MACROD2: variants seen among roughly 807,000 people sequenced by gnomAD.
MACROD2 encodes the protein ADP-ribose glycohydrolase MACROD2.
A neutral mutation model predicts 70.4 loss-of-function variants in MACROD2; 36 were observed. That is an observed-to-expected ratio of 0.51 (90% CI 0.39 to 0.68). The LOEUF is 0.68. MACROD2 is among the 30% of genes least tolerant of loss of function. The probability of loss-of-function intolerance (pLI) is 0.00; values close to 1 mark genes in which losing one functional copy is unlikely to be tolerated. For missense variants in MACROD2, 496 were observed against 538.4 expected (o/e 0.92, Z 0.78); for synonymous variants, 172 against 178.8 (o/e 0.96, Z 0.30).
rs60260667 is a variant in MACROD2 at position 15,030,666 on chromosome 20, C to CAGATAGATAGATAGAT, written c.419-199267_419-199252dup. On this transcript the variant is annotated intron_variant, in intron 5 of 17. Coordinates refer to ENST00000684519, the MANE Select transcript of MACROD2 (RefSeq NM_001351661.2). ...TAAGGATAAAATATAGATAGATAGA[C>CAGATAGATAGATAGAT]AGATAGATAGATAGATAGATAGTCT... Among the ~76,000 whole-genome samples, 14 of 151,866 alleles carry CAGATAGATAGATAGAT rather than the reference C, an allele frequency of 9.2e-5. 1 individual carries two copies. Among genetic ancestry groups the CAGATAGATAGATAGAT allele is most frequent in the African/African-American group, 3.1e-4 (13 of 41,274 alleles).
At chr20:15,602,999 G>GT (rs1394976689) in intron 8 of MACROD2, among the ~76,000 whole-genome samples, 3 of 151,840 alleles carry the variant, frequency 2.0e-5, no homozygotes, top group Non-Finnish European at 4.4e-5. Flanking sequence ...TTACATTGGT[G>GT]TAAGTGTGGG....
intron 8 of MACROD2, among the ~76,000 whole-genome samples, chr20:15,633,162 G>A (rs184293576): frequency 2.6e-4 from 40 of 152,126 alleles, no homozygotes; most frequent in Non-Finnish European, 7.4e-5. Context: ...TTGCACTTGT[G>A]TAATTTATTC....
At chr20:14,489,313 G>A (rs12624575) in intron 3 of MACROD2, among the ~76,000 whole-genome samples, 56,988 of 152,088 alleles carry the variant, frequency 0.37, 11,370 homozygotes, top group East Asian at 0.63. Context: ...ATTTGTCTGC[G>A]TAGATTGTAT....
chr20:14,879,192 T>G lies in MACROD2; in HGVS notation c.418+194233T>G, dbSNP rs530021683. ...AACACACACTGAATAAATTAATAAG[T>G]AGGTGAATAGTTTTGTTGTTTACAT... is the stretch of plus-strand genomic sequence containing the variant. On this transcript the variant is annotated intron_variant, in intron 5 of 17. Transcript: ENST00000684519. Among the ~76,000 whole-genome samples, 152 of 152,262 alleles carry G rather than the reference T, an allele frequency of 1.0e-3. 1 individual carries two copies. The highest frequency in any genetic ancestry group is 3.5e-3 in the African/African-American group (147 of 41,560).
At chr20:15,084,876 T>C (rs2075735013) in intron 5 of MACROD2, among the ~76,000 whole-genome samples, 1 of 152,140 alleles carries the variant, frequency 6.6e-6, no homozygotes, top group Admixed American at 6.5e-5. Flanking sequence ...ATGCAATACT[T>C]TTCAAAATCC....
intron 7 of MACROD2, among the ~76,000 whole-genome samples, chr20:15,431,689 A>C (rs1320919491): frequency 6.6e-6 from 1 of 152,146 alleles, no homozygotes; most frequent in East Asian, 1.9e-4. Flanking sequence ...TAAACAAAAA[A>C]TTTGGTTCCA....
At chr20:14,534,844 CT>C (rs1454867414) in intron 4 of MACROD2, among the ~76,000 whole-genome samples, 1 of 151,542 alleles carries the variant, frequency 6.6e-6, no homozygotes, top group East Asian at 1.9e-4. Context: ...TTTCAAGGGG[CT>C]TAACATTAAT....
chr20:15,739,204 A>T (rs2051068566), intron 8 of MACROD2, among the ~76,000 whole-genome samples: 1 of 152,148 alleles, frequency 6.6e-6, no homozygotes, highest in Admixed American at 6.5e-5. Flanking sequence ...GAAGGAGTGG[A>T]TTTGTCTGTG....
At chr20:14,829,748 C>G (rs185236876) in intron 5 of MACROD2, among the ~76,000 whole-genome samples, 31 of 152,170 alleles carry the variant, frequency 2.0e-4, no homozygotes, top group African/African-American at 7.2e-4. Context: ...TTGTGACCAA[C>G]ATTATTTTTT....
chr20:15,933,153 C>T (rs2147319221), intron 10 of MACROD2, 123 bp from the exon 11 acceptor site: 3 of 849,844 alleles, frequency 3.5e-6, no homozygotes, highest in Non-Finnish European at 5.5e-6. Context: ...ATCTCTCTGC[C>T]TGGCTTTATG....
At chr20:14,256,275 C>G (rs2082055802) in intron 3 of MACROD2, among the ~76,000 whole-genome samples, 1 of 151,958 alleles carries the variant, frequency 6.6e-6, no homozygotes, top group Non-Finnish European at 1.5e-5. Context: ...TATTTATCTT[C>G]TGATATAACC....
At chr20:15,971,463 G>A (rs1185628684) in intron 13 of MACROD2, among the ~76,000 whole-genome samples, 1 of 152,146 alleles carries the variant, frequency 6.6e-6, no homozygotes, top group Non-Finnish European at 1.5e-5. Flanking sequence ...AAGACATGCG[G>A]TTGCACCTCC....
chr20:15,329,721 G>T (rs2077971823), intron 6 of MACROD2, among the ~76,000 whole-genome samples: 1 of 152,076 alleles, frequency 6.6e-6, no homozygotes, highest in African/African-American at 2.4e-5. Context: ...TAGCTTCTAT[G>T]CTAGTGGTTC....
At chr20:14,376,886 C>A (rs2083377186) in intron 3 of MACROD2, among the ~76,000 whole-genome samples, 1 of 151,838 alleles carries the variant, frequency 6.6e-6, no homozygotes, top group South Asian at 2.1e-4. Context: ...AGTTACCTAA[C>A]CTCCCTGAAT....
At chr20:14,076,954 A>G (rs986455089) in intron 2 of MACROD2, among the ~76,000 whole-genome samples, 2 of 152,220 alleles carry the variant, frequency 1.3e-5, no homozygotes, top group Non-Finnish European at 2.9e-5. Flanking sequence ...GACTTCTTGT[A>G]TATCAAGCAT....
chr20:15,351,358 A>T (rs1415234165), intron 6 of MACROD2, among the ~76,000 whole-genome samples: 1 of 152,174 alleles, frequency 6.6e-6, no homozygotes, highest in South Asian at 2.1e-4. Context: ...GTTACCCTTT[A>T]TAACCTTTAT....
chr20:15,236,724 C>T (rs190681725), intron 6 of MACROD2, among the ~76,000 whole-genome samples: 267 of 152,246 alleles, frequency 1.8e-3, no homozygotes, highest in South Asian at 0.017. Context: ...TGTTGACGAC[C>T]GTAACTCCAT....
intron 8 of MACROD2, among the ~76,000 whole-genome samples, chr20:15,557,415 G>A (rs1367370970): frequency 6.6e-6 from 1 of 152,018 alleles, no homozygotes; most frequent in Non-Finnish European, 1.5e-5. Flanking sequence ...TGCAGAGAGA[G>A]AAAAAAATAA....
chr20:15,262,412 C>T (rs933710705), intron 6 of MACROD2, among the ~76,000 whole-genome samples: 4 of 151,862 alleles, frequency 2.6e-5, no homozygotes, highest in African/African-American at 4.8e-5. Context: ...TACTCCATTG[C>T]GTATATGTAC....
Sources: gnomAD v4.1 joint callset for allele counts (sites outside exome capture counted in the v4.1 genomes callset) on GRCh38, gnomAD v4.1.1 for gene constraint, MANE v1.5 for transcripts, NCBI Gene and HGNC (gene_info 2026-07-23, HGNC 2026-07-21) for gene names.